The following NRG3 variants were observed in gnomAD, a reference collection of about 807,000 sequenced individuals.
The protein encoded by NRG3 is pro-neuregulin-3, membrane-bound isoform.
Under a neutral mutation model 66.9 loss-of-function variants are expected in NRG3, and 31 were observed. The ratio of observed to expected loss-of-function variants is 0.46; its 90% CI spans 0.35 to 0.63. The LOEUF (loss-of-function observed/expected upper bound fraction) is 0.63. Among genes scored for constraint, NRG3 ranks in the 20% least tolerant of loss-of-function variants. The pLI is 0.00. For synonymous variants in NRG3, 393 were observed against 359.4 expected, an observed-to-expected ratio of 1.09 and a Z score of -1.06; for missense variants, 910 against 878.9, an observed-to-expected ratio of 1.04 and a Z score of -0.45.
chr10:81,963,654 C>T (rs967453689), intron 1 of NRG3, among the ~76,000 whole-genome samples: 1 of 152,180 alleles, frequency 6.6e-6, no homozygotes, highest in South Asian at 2.1e-4. Flanking sequence ...CATCCATCCA[C>T]GTCCCCGCTT....
chr10:82,552,310 T>A lies in NRG3; in HGVS notation c.954-186267T>A, dbSNP rs192219870. On this transcript the variant is annotated intron_variant, in intron 2 of 8. Coordinates refer to ENST00000372141, the MANE Select transcript of NRG3 (RefSeq NM_001010848.4). ...GTTTTCAAGATAATGATTTTTTTCC[T>A]ATCATCTTTGAAAGGTGATCATTTT... 4.6e-5 allele frequency among the ~76,000 whole-genome samples: 7 copies of A among 152,336 alleles called. No homozygotes were observed. The East Asian group carries it at 1.3e-3, about 29-fold the overall frequency.
chr10:82,602,498 A>T (rs1245493904), intron 2 of NRG3, among the ~76,000 whole-genome samples: 1 of 152,020 alleles, frequency 6.6e-6, no homozygotes, highest in African/African-American at 2.4e-5. Flanking sequence ...TTTTCAATAT[A>T]CTCTTAGCTT....
At chr10:82,959,613 T>C (rs966130490) in intron 6 of NRG3, among the ~76,000 whole-genome samples, 1 of 151,622 alleles carries the variant, frequency 6.6e-6, no homozygotes, top group African/African-American at 2.4e-5. Context: ...CTATAGAGAG[T>C]CAAAGGGCTA....
chr10:82,375,557 G>T (rs2085173964), intron 2 of NRG3, among the ~76,000 whole-genome samples: 1 of 150,118 alleles, frequency 6.7e-6, no homozygotes, highest in African/African-American at 2.5e-5. Flanking sequence ...AAAAATTACT[G>T]ATATTTTTTA....
At chr10:82,706,856 T>C (rs1396628445) in intron 2 of NRG3, among the ~76,000 whole-genome samples, 1 of 151,764 alleles carries the variant, frequency 6.6e-6, no homozygotes, top group African/African-American at 2.4e-5. Flanking sequence ...TAGCCAGGCG[T>C]GGTGGTGCAC....
chr10:82,907,646 T>C (rs1844880795), intron 4 of NRG3, among the ~76,000 whole-genome samples: 1 of 152,220 alleles, frequency 6.6e-6, no homozygotes, highest in Non-Finnish European at 1.5e-5. Flanking sequence ...ATAAGAAATA[T>C]ATGTGATGTA....
chr10:81,994,291 C>A (rs11192094), intron 1 of NRG3, among the ~76,000 whole-genome samples: 1 of 151,766 alleles, frequency 6.6e-6, no homozygotes, highest in Non-Finnish European at 1.5e-5. Context: ...CCCTAATGTC[C>A]CTATTTCTGT....
intron 1 of NRG3, among the ~76,000 whole-genome samples, chr10:81,915,091 G>A (rs1367961693): frequency 6.6e-6 from 1 of 152,142 alleles, no homozygotes; most frequent in African/African-American, 2.4e-5. Context: ...TTAAAAGTTT[G>A]CTTCTCATTA....
intron 1 of NRG3, among the ~76,000 whole-genome samples, chr10:82,026,890 G>GAAAGTCATC (rs1411536382): frequency 6.6e-6 from 1 of 151,932 alleles, no homozygotes; most frequent in Non-Finnish European, 1.5e-5. Context: ...GCAGAAAGGT[G>GAAAGTCATC]AAAGTCATCT....
At chr10:82,259,522 T>A (rs559134629) in intron 1 of NRG3, among the ~76,000 whole-genome samples, 2 of 152,172 alleles carry the variant, frequency 1.3e-5, no homozygotes, top group Non-Finnish European at 2.9e-5. Flanking sequence ...GTAATCATCT[T>A]GTTAAACACA....
intron 1 of NRG3, among the ~76,000 whole-genome samples, chr10:82,103,998 C>A (rs1222476839): frequency 6.7e-6 from 1 of 149,598 alleles, no homozygotes; most frequent in Non-Finnish European, 1.5e-5. Context: ...ATTTTTATAC[C>A]TGCTGTATGT....
At chr10:82,889,422 A>G (rs1842970820) in intron 4 of NRG3, among the ~76,000 whole-genome samples, 1 of 152,188 alleles carries the variant, frequency 6.6e-6, no homozygotes, top group Non-Finnish European at 1.5e-5. Flanking sequence ...GGAGAGGGAA[A>G]GTTGAATATA....
At chr10:82,542,106 G>T (rs1362456060) in intron 2 of NRG3, among the ~76,000 whole-genome samples, 1 of 152,036 alleles carries the variant, frequency 6.6e-6, no homozygotes, top group Non-Finnish European at 1.5e-5. Context: ...CCAGTGTGTG[G>T]TGTTCCCCTC....
At chr10:81,925,784 G>T (rs974974251) in intron 1 of NRG3, among the ~76,000 whole-genome samples, 1 of 151,762 alleles carries the variant, frequency 6.6e-6, no homozygotes, top group Non-Finnish European at 1.5e-5. Flanking sequence ...TTGACAGATG[G>T]ATTCCTCTGT....
intron 1 of NRG3, among the ~76,000 whole-genome samples, chr10:81,976,621 C>T (rs1350370279): frequency 1.3e-5 from 2 of 152,072 alleles, no homozygotes; most frequent in East Asian, 3.9e-4. Flanking sequence ...ACCATTTTTA[C>T]AAGGGATAAT....
chr10:82,132,282 A>G lies in NRG3; in HGVS notation c.824-226457A>G, dbSNP rs138634304. Among the ~76,000 whole-genome samples the G allele has an allele frequency of 5.5e-3, 827 of 151,216 alleles. 7 individuals are homozygous for G. Among genetic ancestry groups the G allele is most frequent in the African/African-American group, 0.019 (789 of 41,264 alleles). On this transcript the variant is annotated intron_variant, in intron 1 of 8. Transcript: ENST00000372141. ...TTTAACAAATGCATTTTCAATATCAATGGAAATAATCATATGGTTTTTGTT... is the reference window on the plus strand; with the variant it reads ...TTTAACAAATGCATTTTCAATATCAGTGGAAATAATCATATGGTTTTTGTT...
intron 2 of NRG3, among the ~76,000 whole-genome samples, chr10:82,557,034 CT>C (rs2132958849): frequency 6.6e-6 from 1 of 152,284 alleles, no homozygotes; most frequent in East Asian, 1.9e-4. Context: ...TTTATCCAGT[CT>C]GTCATTGATG....
intron 2 of NRG3, among the ~76,000 whole-genome samples, chr10:82,598,293 G>A (rs1336046019): frequency 6.6e-6 from 1 of 152,164 alleles, no homozygotes; most frequent in African/African-American, 2.4e-5. Context: ...AATGCCTGCA[G>A]ATAAGCAATC....
At chr10:82,515,834 G>A (rs952278230) in intron 2 of NRG3, among the ~76,000 whole-genome samples, 3 of 152,116 alleles carry the variant, frequency 2.0e-5, no homozygotes, top group African/African-American at 7.2e-5. Flanking sequence ...GGCCAACTGT[G>A]CACCTTCTGC....
Sources: allele counts gnomAD v4.1 joint callset (sites outside exome capture counted in the v4.1 genomes callset), GRCh38; gene constraint gnomAD v4.1.1; transcripts MANE v1.5; gene names NCBI Gene and HGNC (gene_info 2026-07-23, HGNC 2026-07-21).